PPP6R3: variants seen among roughly 807,000 people sequenced by gnomAD.
The protein encoded by PPP6R3 is serine/threonine-protein phosphatase 6 regulatory subunit 3.
PPP6R3 carries 38 observed loss-of-function variants against 110.7 expected under a neutral mutation model. The observed-to-expected ratio is 0.34, with a 90% CI of 0.26 to 0.45. The LOEUF is 0.45. Among genes scored for constraint, PPP6R3 ranks in the 20% least tolerant of loss-of-function variants. The probability of loss-of-function intolerance (pLI) is 1.00; values close to 1 mark genes in which losing one functional copy is unlikely to be tolerated. For synonymous variants in PPP6R3, 369 were observed against 373.5 expected (o/e 0.99, Z 0.14); for missense variants, 870 against 1,062.4 (o/e 0.82, Z 2.52).
chr11:68,500,107 G>A (rs1375955001), intron 1 of PPP6R3, among the ~76,000 whole-genome samples: 2 of 152,108 alleles, frequency 1.3e-5, no homozygotes, highest in African/African-American at 4.8e-5. Context: ...TATGTTCTCA[G>A]AGAATAAGGA....
chr11:68,518,043 T>A (rs2099145725), intron 1 of PPP6R3, among the ~76,000 whole-genome samples: 2 of 152,130 alleles, frequency 1.3e-5, no homozygotes, highest in African/African-American at 4.8e-5. Context: ...GAAGTTTGAA[T>A]GTCAGGAGGA....
At chr11:68,550,920 G>A in intron 5 of PPP6R3, 1 of 512,586 alleles carries the variant, frequency 2.0e-6, no homozygotes, top group East Asian at 3.1e-5. Flanking sequence ...GGAGTTGTTG[G>A]TACTGTTGGC....
At position 68,614,484 on chromosome 11, in the gene PPP6R3, A is replaced by T; in HGVS notation, c.*1367A>T. ...CATTTGTTTTTCCTGACCAGTATTTAAAACCAAAAGGATATTCTGAAAAAT... is the reference window on the plus strand; with the variant it reads ...CATTTGTTTTTCCTGACCAGTATTTTAAACCAAAAGGATATTCTGAAAAAT... On this transcript the variant is annotated 3_prime_UTR_variant, in exon 24 of 24. Transcript: ENST00000393800. The T allele has an allele frequency of 7.2e-7, 1 of 1,397,020 alleles. No homozygotes were observed. The highest frequency in any genetic ancestry group is 1.7e-5 in the South Asian group (1 of 58,894). The allele number at this position is 1,397,020 out of a possible 1,614,324, so 86.5% of individuals were successfully genotyped here. A position where few individuals can be genotyped will look rare whatever the true frequency, so the allele number is the denominator to read the frequency against.
intron 3 of PPP6R3, among the ~76,000 whole-genome samples, chr11:68,543,975 G>C (rs1052827737): frequency 6.6e-6 from 1 of 152,210 alleles, no homozygotes; most frequent in Non-Finnish European, 1.5e-5. Context: ...TATAGAGCAG[G>C]TGTCATGTTC....
chr11:68,564,848 A>G (rs1360132468), intron 9 of PPP6R3, among the ~76,000 whole-genome samples: 1 of 152,226 alleles, frequency 6.6e-6, no homozygotes, highest in East Asian at 1.9e-4. Flanking sequence ...TGAAGTTAGT[A>G]TACAATTTGG....
At chr11:68,560,894 CTT>C (rs11295490) in intron 8 of PPP6R3, among the ~76,000 whole-genome samples, 65 of 117,870 alleles carry the variant, frequency 5.5e-4, no homozygotes, top group South Asian at 8.7e-4. Context: ...TTCCTTATAC[CTT>C]TTTTTTTTTT....
chr11:68,473,238 C>A (rs922672313), intron 1 of PPP6R3, among the ~76,000 whole-genome samples: 1 of 152,126 alleles, frequency 6.6e-6, no homozygotes, highest in African/African-American at 2.4e-5. Context: ...AGGAGATTTG[C>A]TGAACATTGA....
chr11:68,542,389 G>GTTTTTTTTTGTTTT (rs1555132287), intron 3 of PPP6R3, among the ~76,000 whole-genome samples: 4 of 40,204 alleles, frequency 9.9e-5, no homozygotes, highest in Admixed American at 4.3e-4. Flanking sequence ...AGAAGCTGCT[G>GTTTTTTTTTGTTTT]TTTTTTTTTT....
intron 18 of PPP6R3, 28 bp from the exon 19 acceptor site, chr11:68,596,069 T>G: frequency 1.2e-6 from 2 of 1,613,932 alleles, no homozygotes; most frequent in Non-Finnish European, 1.7e-6. Flanking sequence ...TAAGCAGTGT[T>G]AAATACTTGG....
At chr11:68,486,217 T>G (rs1415876568) in intron 1 of PPP6R3, among the ~76,000 whole-genome samples, 1 of 152,164 alleles carries the variant, frequency 6.6e-6, no homozygotes. Context: ...ATATCTGTGT[T>G]CATGAGAGAT....
At chr11:68,475,369 C>T (rs926216019) in intron 1 of PPP6R3, among the ~76,000 whole-genome samples, 1 of 152,186 alleles carries the variant, frequency 6.6e-6, no homozygotes, top group Non-Finnish European at 1.5e-5. Context: ...CACCTTTCCC[C>T]CTTTTCTATT....
chr11:68,563,408 C>T (rs1019242942), intron 8 of PPP6R3, among the ~76,000 whole-genome samples: 4 of 152,170 alleles, frequency 2.6e-5, no homozygotes, highest in African/African-American at 7.2e-5. Flanking sequence ...CTTCTCTCTT[C>T]GAAGCATAGT....
At chr11:68,590,350 A>G (rs1320545241) in intron 16 of PPP6R3, among the ~76,000 whole-genome samples, 1 of 152,152 alleles carries the variant, frequency 6.6e-6, no homozygotes, top group Non-Finnish European at 1.5e-5. Flanking sequence ...TCTTGGTTAT[A>G]TTAGTATGGC....
At chr11:68,492,985 T>C (rs1001787734) in intron 1 of PPP6R3, among the ~76,000 whole-genome samples, 15 of 152,232 alleles carry the variant, frequency 9.9e-5, no homozygotes, top group Non-Finnish European at 1.9e-4. Flanking sequence ...CCTTTCTTAT[T>C]TTCCACACTG....
intron 10 of PPP6R3, among the ~76,000 whole-genome samples, chr11:68,568,770 C>G (rs2099489681): frequency 6.6e-6 from 1 of 151,556 alleles, no homozygotes; most frequent in Non-Finnish European, 1.5e-5. Context: ...GAAATTCTTA[C>G]AATTTTTTTT....
chr11:68,511,917 G>T (rs986126413), intron 1 of PPP6R3, among the ~76,000 whole-genome samples: 1 of 151,996 alleles, frequency 6.6e-6, no homozygotes, highest in Admixed American at 6.6e-5. Flanking sequence ...TGGACTGCTG[G>T]CTCTCCCATT....
At chr11:68,588,708 G>A (rs1029933500) in intron 16 of PPP6R3, among the ~76,000 whole-genome samples, 3 of 150,144 alleles carry the variant, frequency 2.0e-5, no homozygotes, top group Admixed American at 2.0e-4. Flanking sequence ...GCTTCCCATA[G>A]TGCTGGGATT....
chr11:68,558,697 C>G lies in PPP6R3; in HGVS notation c.845+18C>G, dbSNP rs765710809. 3 of 1,546,970 alleles carry G rather than the reference C, an allele frequency of 1.9e-6. No individual in the cohort carries two copies. The highest frequency in any genetic ancestry group is 2.7e-6 in the Non-Finnish European group (3 of 1,122,666). On this transcript the variant is annotated intron_variant, in intron 8 of 23. Coordinates refer to ENST00000393800, the MANE Select transcript of PPP6R3 (RefSeq NM_001164161.2). ...CGACCAACGTAAGCTTTTCTTATAT[C>G]TTACAAAATGAACCATGTTGTTTTG...
At chr11:68,562,531 C>T (rs1415347325) in intron 8 of PPP6R3, among the ~76,000 whole-genome samples, 3 of 152,088 alleles carry the variant, frequency 2.0e-5, no homozygotes, top group Non-Finnish European at 4.4e-5. Context: ...TAATACAAAG[C>T]GACAGCAATC....
Sources: allele counts gnomAD v4.1 joint callset (sites outside exome capture counted in the v4.1 genomes callset), GRCh38; gene constraint gnomAD v4.1.1; transcripts MANE v1.5; gene names NCBI Gene and HGNC (gene_info 2026-07-23, HGNC 2026-07-21).